PLD5: variants seen among roughly 807,000 people sequenced by gnomAD.
The protein encoded by PLD5 is phospholipase D family member 5.
Under a neutral mutation model 61.1 loss-of-function variants are expected in PLD5, and 36 were observed. That is an observed-to-expected ratio of 0.59 (90% CI 0.45 to 0.78). The LOEUF (loss-of-function observed/expected upper bound fraction) is 0.78. Ranked by LOEUF, PLD5 falls within the 30% of genes least tolerant of loss-of-function variation. The pLI is 0.00. For synonymous variants in PLD5, 243 were observed against 242.8 expected (o/e 1.00, Z -0.01); for missense variants, 515 against 644.4 (o/e 0.80, Z 2.17).
At chr1:242,267,494 T>G (rs1235855445) in intron 3 of PLD5, among the ~76,000 whole-genome samples, 1 of 152,162 alleles carries the variant, frequency 6.6e-6, no homozygotes, top group Non-Finnish European at 1.5e-5. Context: ...AGTGATTAAA[T>G]TTCTCTGTAC....
chr1:242,422,618 T>G (rs930553658), intron 1 of PLD5, among the ~76,000 whole-genome samples: 1 of 152,152 alleles, frequency 6.6e-6, no homozygotes, highest in African/African-American at 2.4e-5. Flanking sequence ...CTCTGGGAAA[T>G]GATTTTGCAA....
chr1:242,193,010 G>A lies in PLD5; in HGVS notation c.735+26978C>T, dbSNP rs1479754340. Among the ~76,000 whole-genome samples, 6 of 152,204 alleles carry A rather than the reference G, an allele frequency of 3.9e-5. No individual in the cohort carries two copies. The East Asian group carries it at 1.2e-3, about 29-fold the overall frequency. ...TGAGCCTTGTCATGTTTAGGTCCCA[G>A]TACCACATCCTCAGAGAGATCTCCA... On this transcript the variant is annotated intron_variant, in intron 5 of 9. Transcript: ENST00000536534.
chr1:242,363,467 A>AAG (rs1661181864), intron 1 of PLD5, among the ~76,000 whole-genome samples: 3 of 149,052 alleles, frequency 2.0e-5, no homozygotes, highest in Admixed American at 6.7e-5. Context: ...AAAAAAAAAA[A>AAG]AAAAGCCTCA....
chr1:242,333,134 A>G (rs1659290512), intron 2 of PLD5, among the ~76,000 whole-genome samples: 1 of 152,188 alleles, frequency 6.6e-6, no homozygotes, highest in Admixed American at 6.5e-5. Context: ...AGTTGCTAAA[A>G]GAGGGGTTGT....
chr1:242,315,811 G>A (rs1282110654), intron 2 of PLD5, among the ~76,000 whole-genome samples: 3 of 152,046 alleles, frequency 2.0e-5, no homozygotes, highest in Non-Finnish European at 2.9e-5. Flanking sequence ...GGGTTATGAT[G>A]GCATAAAGCA....
intron 5 of PLD5, among the ~76,000 whole-genome samples, chr1:242,219,411 C>T (rs1441098341): frequency 6.6e-6 from 1 of 152,124 alleles, no homozygotes; most frequent in Non-Finnish European, 1.5e-5. Flanking sequence ...TCTTCCTAAG[C>T]ATCCAATGAC....
chr1:242,325,485 A>T (rs757765098), intron 2 of PLD5, among the ~76,000 whole-genome samples: 32 of 149,896 alleles, frequency 2.1e-4, no homozygotes, highest in Non-Finnish European at 3.3e-4. Flanking sequence ...GGGGGAGAGA[A>T]GGTGGAGAGA....
chr1:242,238,913 G>C (rs1671816368), intron 4 of PLD5, among the ~76,000 whole-genome samples: 2 of 152,120 alleles, frequency 1.3e-5, no homozygotes, highest in Non-Finnish European at 2.9e-5. Context: ...GGTATCCTCT[G>C]TCTGGGTACT....
intron 1 of PLD5, among the ~76,000 whole-genome samples, chr1:242,432,857 C>A (rs778093309): frequency 3.4e-4 from 52 of 152,090 alleles, no homozygotes; most frequent in Admixed American, 7.2e-4. Flanking sequence ...CAGACTTTCA[C>A]AGGAAAATGT....
At chr1:242,311,194 A>G (rs751402854) in intron 2 of PLD5, among the ~76,000 whole-genome samples, 1 of 152,206 alleles carries the variant, frequency 6.6e-6, no homozygotes, top group Non-Finnish European at 1.5e-5. Flanking sequence ...GCTACCACAA[A>G]TGACTAAAAA....
At chr1:242,492,418 A>G (rs1265212024) in intron 1 of PLD5, among the ~76,000 whole-genome samples, 1 of 151,670 alleles carries the variant, frequency 6.6e-6, no homozygotes, top group African/African-American at 2.4e-5. Flanking sequence ...GCTACTCAGG[A>G]GATTGAGGCA....
intron 5 of PLD5, among the ~76,000 whole-genome samples, chr1:242,146,558 T>C (rs1175959993): frequency 1.3e-5 from 2 of 152,300 alleles, no homozygotes; most frequent in Non-Finnish European, 1.5e-5. Context: ...CAGCATGCCA[T>C]ACACTTGAAG....
At chr1:242,390,925 G>C (rs1558521030) in intron 1 of PLD5, among the ~76,000 whole-genome samples, 1 of 152,158 alleles carries the variant, frequency 6.6e-6, no homozygotes, top group Non-Finnish European at 1.5e-5. Context: ...AAGTGCGGTG[G>C]CTCACACCTG....
chr1:242,106,035 T>C (rs1661030263), intron 8 of PLD5, among the ~76,000 whole-genome samples: 1 of 152,182 alleles, frequency 6.6e-6, no homozygotes, highest in South Asian at 2.1e-4. Flanking sequence ...TAAAACAACC[T>C]TGGGTCCTTG....
intron 1 of PLD5, among the ~76,000 whole-genome samples, chr1:242,453,709 A>G (rs562699595): frequency 5.9e-5 from 9 of 152,294 alleles, no homozygotes; most frequent in Non-Finnish European, 1.3e-4. Context: ...TTAGGATAGA[A>G]TTTAGAGAAA....
chr1:242,254,907 GA>G (rs1431196145), intron 4 of PLD5, among the ~76,000 whole-genome samples: 1 of 152,224 alleles, frequency 6.6e-6, no homozygotes, highest in Non-Finnish European at 1.5e-5. Context: ...GTGCTATGAA[GA>G]AAGGTGGAAG....
chr1:242,367,774 G>A (rs1390684777), intron 1 of PLD5, among the ~76,000 whole-genome samples: 1 of 152,114 alleles, frequency 6.6e-6, no homozygotes, highest in African/African-American at 2.4e-5. Flanking sequence ...AGCCAACAGA[G>A]GACACAGGTG....
At chr1:242,140,719 A>G (rs933400426) in intron 5 of PLD5, among the ~76,000 whole-genome samples, 12 of 151,118 alleles carry the variant, frequency 7.9e-5, no homozygotes, top group African/African-American at 2.2e-4. Flanking sequence ...ACTGAGACAT[A>G]GTTTCTGTTG....
Position 242,124,599 on chromosome 1 carries a change from C to A in PLD5, c.802G>T (p.Ala268Ser), listed in dbSNP as rs749240389. The A allele has an allele frequency of 9.3e-6, 15 of 1,613,870 alleles. No individual in the cohort carries two copies. The highest frequency in any genetic ancestry group is 1.3e-5 in the Non-Finnish European group (15 of 1,179,856). The stretch of plus-strand genomic sequence containing the variant: ...TTGAATTTTAATGAACTATATAGAG[C>A]AAATATCCTTTGTAAATCTAGGACC... ...CLVLDLQRIF[A>S]LYSSLKFKSR... Residue 268 changes from alanine (A) to serine (S), a missense_variant, in exon 6 of 10, where the codon GCT becomes TCT. Transcript: ENST00000536534.
Sources: gnomAD v4.1 joint callset for allele counts (sites outside exome capture counted in the v4.1 genomes callset) on GRCh38, gnomAD v4.1.1 for gene constraint, MANE v1.5 for transcripts, NCBI Gene and HGNC (gene_info 2026-07-23, HGNC 2026-07-21) for gene names.